STARD13: variants seen among roughly 807,000 people sequenced by gnomAD.
STARD13 encodes the protein stAR-related lipid transfer protein 13.
STARD13 carries 62 observed loss-of-function variants against 106.4 expected under a neutral mutation model. That is an observed-to-expected ratio of 0.58 (90% CI 0.48 to 0.72). The LOEUF (loss-of-function observed/expected upper bound fraction) is 0.72, where lower values mean the gene tolerates loss of function less well. STARD13 is among the 30% of genes least tolerant of loss of function. The pLI is 0.00. For missense variants in STARD13, 1,387 were observed against 1,424.0 expected, an observed-to-expected ratio of 0.97 and a Z score of 0.42; for synonymous variants, 565 against 553.0, an observed-to-expected ratio of 1.02 and a Z score of -0.31.
the STARD13 span, among the ~76,000 whole-genome samples, chr13:33,514,780 A>AT: frequency 1.3e-5 from 2 of 152,132 alleles, no homozygotes; most frequent in South Asian, 4.1e-4. Context: ...CCAAACAGTC[A>AT]TAACAAACAA....
the STARD13 span, among the ~76,000 whole-genome samples, chr13:33,444,959 C>T: frequency 2.0e-5 from 3 of 152,142 alleles, no homozygotes; most frequent in Non-Finnish European, 4.4e-5. Context: ...AATGCAATTG[C>T]TTTTTGAAAC....
At chr13:33,505,396 C>T in the STARD13 span, among the ~76,000 whole-genome samples, 3 of 152,082 alleles carry the variant, frequency 2.0e-5, no homozygotes, top group Non-Finnish European at 4.4e-5. Flanking sequence ...AATTAACTCA[C>T]ATTTTTTAAA....
At chr13:33,496,042 G>A in the STARD13 span, among the ~76,000 whole-genome samples, 6 of 139,248 alleles carry the variant, frequency 4.3e-5, no homozygotes, top group African/African-American at 1.6e-4. Context: ...TTATAATTAT[G>A]TATAGTTAAT....
At chr13:33,394,407 A>G in the STARD13 span, among the ~76,000 whole-genome samples, 8 of 152,140 alleles carry the variant, frequency 5.3e-5, no homozygotes, top group African/African-American at 1.9e-4. Context: ...ATACTCAATG[A>G]CCCTATGTGG....
At chr13:33,422,124 G>A in the STARD13 span, among the ~76,000 whole-genome samples, 1 of 152,048 alleles carries the variant, frequency 6.6e-6, no homozygotes, top group African/African-American at 2.4e-5. Flanking sequence ...AGAAATAAAG[G>A]GTATTCAATA....
the STARD13 span, among the ~76,000 whole-genome samples, chr13:33,497,485 T>A: frequency 6.6e-6 from 1 of 152,134 alleles, no homozygotes; most frequent in Non-Finnish European, 1.5e-5. Context: ...AAATATTTAG[T>A]AAACAGGTGG....
At position 33,129,804 on chromosome 13, in the gene STARD13, C is replaced by A; in HGVS notation, c.873G>T (p.Leu291Phe). The stretch of plus-strand genomic sequence containing the variant: ...CCTTAAAGGACTCTGGCTCCTGCTG[C>A]AACATGGGCCCACTGATCACCAGGC... Reference protein sequence around the residue: ...TGGLVISGPMLQQEPESFKAM... With the variant: ...TGGLVISGPMFQQEPESFKAM... The change falls in exon 5 of 14, where the codon TTG becomes TTT. Residue 291 changes from leucine (L) to phenylalanine (F), a missense_variant. Leu to Phe is a conservative substitution (Grantham distance 22). Coordinates refer to ENST00000336934, the MANE Select transcript of STARD13 (RefSeq NM_178006.4). 1.2e-6 allele frequency: 2 copies of A among 1,613,666 alleles called. No individual in the cohort carries two copies. Among genetic ancestry groups the A allele is most frequent in the Non-Finnish European group, 1.7e-6 (2 of 1,180,036 alleles).
chr13:33,494,589 T>G, the STARD13 span, among the ~76,000 whole-genome samples: 2 of 152,266 alleles, frequency 1.3e-5, no homozygotes, highest in East Asian at 1.9e-4. Context: ...CACACTGCAT[T>G]TGGTCGTTGT....
At chr13:33,667,627 A>T in the STARD13 span, among the ~76,000 whole-genome samples, 40 of 152,376 alleles carry the variant, frequency 2.6e-4, no homozygotes, top group African/African-American at 9.6e-4. Context: ...TGTATCATTA[A>T]GAAAGAAAAA....
At chr13:33,307,025 C>T (rs1161781331) in intron 1 of STARD13, among the ~76,000 whole-genome samples, 1 of 151,616 alleles carries the variant, frequency 6.6e-6, no homozygotes, top group African/African-American at 2.4e-5. Flanking sequence ...CAAAAGAAGA[C>T]ATTTATGCTG....
intron 1 of STARD13, among the ~76,000 whole-genome samples, chr13:33,310,504 G>A (rs928396080): frequency 3.9e-5 from 6 of 151,986 alleles, no homozygotes; most frequent in African/African-American, 9.7e-5. Flanking sequence ...ACTCTCTTGC[G>A]ATATAAAACT....
chr13:33,549,088 C>T, the STARD13 span, among the ~76,000 whole-genome samples: 1 of 152,090 alleles, frequency 6.6e-6, no homozygotes, highest in South Asian at 2.1e-4. Context: ...AATGTTTGTC[C>T]TTAGCATGTC....
chr13:33,306,960 C>CAA (rs55804905), intron 1 of STARD13, among the ~76,000 whole-genome samples: 2 of 145,794 alleles, frequency 1.4e-5, no homozygotes, highest in Admixed American at 6.8e-5. Flanking sequence ...AAAAAAGAAA[C>CAA]AAAAAAAAAA....
At chr13:33,273,769 C>T (rs932491122) in intron 1 of STARD13, among the ~76,000 whole-genome samples, 12 of 152,160 alleles carry the variant, frequency 7.9e-5, no homozygotes, top group African/African-American at 2.9e-4. Context: ...ATGCATTGTA[C>T]AGCACTTTTT....
At chr13:33,571,236 T>C in the STARD13 span, among the ~76,000 whole-genome samples, 10 of 152,184 alleles carry the variant, frequency 6.6e-5, no homozygotes, top group Admixed American at 6.6e-5. Flanking sequence ...GAATTACCTT[T>C]ATTTTAAGTT....
chr13:33,581,922 A>G, the STARD13 span, among the ~76,000 whole-genome samples: 37 of 152,262 alleles, frequency 2.4e-4, no homozygotes, highest in Admixed American at 3.9e-4. Context: ...GCAAACTACC[A>G]TTATATAAAC....
the STARD13 span, among the ~76,000 whole-genome samples, chr13:33,653,700 T>TATATATATA: frequency 6.6e-6 from 1 of 152,002 alleles, no homozygotes. Context: ...AAATTAAATA[T>TATATATATA]TTTGTGCTGC....
At chr13:33,481,175 A>T in the STARD13 span, among the ~76,000 whole-genome samples, 2 of 152,184 alleles carry the variant, frequency 1.3e-5, no homozygotes, top group African/African-American at 4.8e-5. Context: ...TTCCAATATG[A>T]ATTGTACCAA....
chr13:33,405,126 C>A, the STARD13 span, among the ~76,000 whole-genome samples: 1 of 152,158 alleles, frequency 6.6e-6, no homozygotes, highest in Non-Finnish European at 1.5e-5. Flanking sequence ...TCTGACGCCC[C>A]TGTCCCCACC....
Sources: gnomAD v4.1 joint callset for allele counts (sites outside exome capture counted in the v4.1 genomes callset) on GRCh38, gnomAD v4.1.1 for gene constraint, MANE v1.5 for transcripts, NCBI Gene and HGNC (gene_info 2026-07-23, HGNC 2026-07-21) for gene names.